RIT2: variants seen among roughly 807,000 people sequenced by gnomAD.
The protein encoded by RIT2 is GTP-binding protein Rit2.
RIT2 carries 24 observed loss-of-function variants against 23.7 expected under a neutral mutation model. The ratio of observed to expected loss-of-function variants is 1.01; its 90% CI spans 0.73 to 1.43. The LOEUF (loss-of-function observed/expected upper bound fraction) is 1.43. Among genes scored for constraint, RIT2 ranks in the 40% most tolerant of loss-of-function variants. RIT2 has a pLI of 0.00. For missense variants in RIT2, 236 were observed against 266.9 expected (o/e 0.88, Z 0.81); for synonymous variants, 107 against 91.1 (o/e 1.17, Z -0.99).
intron 3 of RIT2, among the ~76,000 whole-genome samples, chr18:42,949,787 A>C (rs1909806860): frequency 6.6e-6 from 1 of 152,064 alleles, no homozygotes; most frequent in Non-Finnish European, 1.5e-5. Flanking sequence ...CTAAAGAATA[A>C]ATTTGGTTGA....
intron 1 of RIT2, among the ~76,000 whole-genome samples, chr18:43,089,536 T>G (rs1171986304): frequency 3.3e-5 from 5 of 150,804 alleles, no homozygotes; most frequent in Admixed American, 6.6e-5. Flanking sequence ...TTATAAAATT[T>G]ACATGGAACC....
At chr18:43,096,830 T>C (rs1913565934) in intron 1 of RIT2, among the ~76,000 whole-genome samples, 1 of 151,850 alleles carries the variant, frequency 6.6e-6, no homozygotes, top group Non-Finnish European at 1.5e-5. Context: ...TTACTCAACA[T>C]GATTGATAAA....
At chr18:42,874,429 A>C (rs966746377) in intron 4 of RIT2, among the ~76,000 whole-genome samples, 1 of 152,162 alleles carries the variant, frequency 6.6e-6, no homozygotes, top group Non-Finnish European at 1.5e-5. Flanking sequence ...GCATAAACAC[A>C]ACTAGTATTT....
chr18:42,795,578 G>T (rs1034587497), intron 4 of RIT2, among the ~76,000 whole-genome samples: 2 of 152,212 alleles, frequency 1.3e-5, no homozygotes, highest in Admixed American at 1.3e-4. Context: ...GCTCCACGGC[G>T]CCCAGTCCCA....
chr18:42,812,162 C>T (rs553120777), intron 4 of RIT2, among the ~76,000 whole-genome samples: 1 of 152,282 alleles, frequency 6.6e-6, no homozygotes, highest in South Asian at 2.1e-4. Context: ...TAGTATTTTA[C>T]ATCCTAGAGA....
At position 42,974,156 on chromosome 18, in the gene RIT2, C is replaced by A. The variant is rs761011709; in HGVS notation, c.161-9G>T. On this transcript the variant is annotated splice_polypyrimidine_tract_variant and intron_variant, in intron 2 of 4. Transcript: ENST00000326695. The stretch of plus-strand genomic sequence containing the variant: ...GGTCTTATAAGCATCTTCTGAAAAA[C>A]ACAAGACAACATTTACATTTAAATG... 14 of 1,590,448 alleles carry A rather than the reference C, an allele frequency of 8.8e-6. No individual in the cohort carries two copies. The highest frequency in any genetic ancestry group is 6.8e-5 in the Admixed American group (4 of 59,242).
intron 3 of RIT2, among the ~76,000 whole-genome samples, chr18:42,939,070 T>A (rs561405974): frequency 6.0e-4 from 91 of 152,222 alleles, no homozygotes; most frequent in Non-Finnish European, 1.2e-3. Context: ...CTTATTTGCT[T>A]AAAAGACATT....
intron 4 of RIT2, among the ~76,000 whole-genome samples, chr18:42,842,528 T>A (rs1490923536): frequency 6.6e-6 from 1 of 152,134 alleles, no homozygotes; most frequent in South Asian, 2.1e-4. Context: ...GGGACTAGAA[T>A]TCTTATAAAT....
chr18:42,920,626 CTTTTT>C, intron 4 of RIT2: 1 of 1,046,098 alleles, frequency 9.6e-7, no homozygotes, highest in Non-Finnish European at 1.4e-6. Flanking sequence ...TGTTTTTTTT[CTTTTT>C]ATCTTTTTTA....
At chr18:42,859,274 T>C (rs1907265400) in intron 4 of RIT2, among the ~76,000 whole-genome samples, 1 of 152,216 alleles carries the variant, frequency 6.6e-6, no homozygotes, top group Non-Finnish European at 1.5e-5. Context: ...TGTCTCGTGG[T>C]TTTGATTTAT....
chr18:43,074,074 A>T (rs2099991160), intron 1 of RIT2, among the ~76,000 whole-genome samples: 1 of 152,208 alleles, frequency 6.6e-6, no homozygotes, highest in Admixed American at 6.5e-5. Flanking sequence ...ATTGCTTCAG[A>T]AACAGCCTTT....
chr18:42,932,639 C>G (rs932218194), intron 3 of RIT2, among the ~76,000 whole-genome samples: 1 of 152,000 alleles, frequency 6.6e-6, no homozygotes, highest in East Asian at 1.9e-4. Flanking sequence ...TCTAGGGAAT[C>G]GAGAATTTAG....
intron 2 of RIT2, among the ~76,000 whole-genome samples, chr18:43,025,926 C>A (rs1162816557): frequency 6.6e-6 from 1 of 150,540 alleles, no homozygotes; most frequent in East Asian, 1.9e-4. Context: ...CCAGACTTCA[C>A]CACTATACAA....
At chr18:42,751,433 C>G (rs999027915) in intron 4 of RIT2, among the ~76,000 whole-genome samples, 1 of 151,720 alleles carries the variant, frequency 6.6e-6, no homozygotes, top group Non-Finnish European at 1.5e-5. Context: ...ATAAGCATCA[C>G]AAATCAATCA....
chr18:42,772,623 T>G (rs898134511), intron 4 of RIT2, among the ~76,000 whole-genome samples: 1 of 152,202 alleles, frequency 6.6e-6, no homozygotes, highest in African/African-American at 2.4e-5. Context: ...TAGGTTCACC[T>G]ATTGTTCTAA....
chr18:42,978,558 A>C (rs1910525902), intron 2 of RIT2, among the ~76,000 whole-genome samples: 1 of 152,070 alleles, frequency 6.6e-6, no homozygotes, highest in African/African-American at 2.4e-5. Context: ...TCCTGAAGTG[A>C]ACTCATTTAT....
chr18:42,912,765 A>C (rs1908804127), intron 4 of RIT2, among the ~76,000 whole-genome samples: 1 of 151,978 alleles, frequency 6.6e-6, no homozygotes, highest in Non-Finnish European at 1.5e-5. Context: ...TTGATGAAGA[A>C]ATCAAAGAAG....
chr18:42,770,966 T>C lies in RIT2; in HGVS notation c.427-27246A>G, dbSNP rs142642110. On this transcript the variant is annotated intron_variant, in intron 4 of 4. Coordinates refer to ENST00000326695, the MANE Select transcript of RIT2 (RefSeq NM_002930.4). ...TGACCTCTACTTTCTCCTTTTTCTATTTTATGGAAGAATTGTGCAAATTGT... is the reference window on the plus strand; with the variant it reads ...TGACCTCTACTTTCTCCTTTTTCTACTTTATGGAAGAATTGTGCAAATTGT... 9.9e-4 allele frequency among the ~76,000 whole-genome samples: 151 copies of C among 152,254 alleles called. 1 individual carries two copies. Among genetic ancestry groups the C allele is most frequent in the East Asian group, 3.9e-3 (20 of 5,178 alleles).
chr18:42,994,596 C>T, intron 2 of RIT2, among the ~76,000 whole-genome samples: 1 of 152,114 alleles, frequency 6.6e-6, no homozygotes, highest in African/African-American at 2.4e-5. Flanking sequence ...CCTGACTCAT[C>T]CCAACCCTTT....
Sources: gnomAD v4.1 joint callset for allele counts (sites outside exome capture counted in the v4.1 genomes callset) on GRCh38, gnomAD v4.1.1 for gene constraint, MANE v1.5 for transcripts, NCBI Gene and HGNC (gene_info 2026-07-23, HGNC 2026-07-21) for gene names.